Variants in PPP4R3B observed in about 807,000 individuals in gnomAD.
PPP4R3B encodes the protein serine/threonine-protein phosphatase 4 regulatory subunit 3B.
Under a neutral mutation model 95.4 loss-of-function variants are expected in PPP4R3B, and 52 were observed. That is an observed-to-expected ratio of 0.54 (90% CI 0.44 to 0.69). The LOEUF (loss-of-function observed/expected upper bound fraction) is 0.69, where lower values mean the gene tolerates loss of function less well. PPP4R3B is among the 30% of genes least tolerant of loss of function. The probability of loss-of-function intolerance (pLI) is 0.00; values close to 1 mark genes in which losing one functional copy is unlikely to be tolerated. For synonymous variants in PPP4R3B, 407 were observed against 343.9 expected, an observed-to-expected ratio of 1.18 and a Z score of -2.03; for missense variants, 1,003 against 1,005.9, an observed-to-expected ratio of 1.00 and a Z score of 0.04.
intron 5 of PPP4R3B, among the ~76,000 whole-genome samples, chr2:55,587,089 T>G (rs1049327822): frequency 6.6e-6 from 1 of 152,184 alleles, no homozygotes; most frequent in African/African-American, 2.4e-5. Flanking sequence ...ATTAGAACAT[T>G]TTCCTTACTC....
intron 4 of PPP4R3B, among the ~76,000 whole-genome samples, chr2:55,594,844 T>C (rs1182104440): frequency 1.3e-5 from 2 of 152,142 alleles, no homozygotes; most frequent in African/African-American, 2.4e-5. Context: ...CACTCATTAT[T>C]GGTGAATAAC....
chr2:55,615,430 T>G (rs758999115), intron 2 of PPP4R3B, 21 bp downstream of exon 2: 13 of 1,550,626 alleles, frequency 8.4e-6, no homozygotes, highest in Non-Finnish European at 1.1e-5. Context: ...TCTTTCAAAT[T>G]AAAGATAAAC....
chr2:55,578,222 G>A, intron 10 of PPP4R3B, 25 bp downstream of exon 10: 2 of 1,387,052 alleles, frequency 1.4e-6, no homozygotes, highest in Non-Finnish European at 9.4e-7. Flanking sequence ...AAATATAGGA[G>A]TGATACACTC....
At chr2:55,613,910 A>T (rs1224316460) in intron 2 of PPP4R3B, among the ~76,000 whole-genome samples, 1 of 152,160 alleles carries the variant, frequency 6.6e-6, no homozygotes, top group Non-Finnish European at 1.5e-5. Context: ...ATAAAGACAG[A>T]GATTAAGAGC....
At chr2:55,602,435 A>C (rs1239199041) in intron 3 of PPP4R3B, among the ~76,000 whole-genome samples, 2 of 152,180 alleles carry the variant, frequency 1.3e-5, no homozygotes, top group Non-Finnish European at 2.9e-5. Flanking sequence ...CTGCTTCATA[A>C]TAATGTTTAC....
At chr2:55,608,955 G>A (rs1693787985) in intron 2 of PPP4R3B, among the ~76,000 whole-genome samples, 1 of 152,110 alleles carries the variant, frequency 6.6e-6, no homozygotes, top group South Asian at 2.1e-4. Flanking sequence ...GCTTTTGGCT[G>A]GGAGACAGTC....
At chr2:55,578,143 C>T in intron 10 of PPP4R3B, 104 bp downstream of exon 10, 1 of 1,129,744 alleles carries the variant, frequency 8.9e-7, no homozygotes. Context: ...GTATGACAGA[C>T]ATTAAATTTA....
At chr2:55,579,577 T>A in intron 9 of PPP4R3B, 102 bp downstream of exon 9, 1 of 668,644 alleles carries the variant, frequency 1.5e-6, no homozygotes, top group Non-Finnish European at 2.3e-6. Context: ...AGTCGTAATC[T>A]CCCTGTCTTA....
chr2:55,612,069 A>C (rs1010784881), intron 2 of PPP4R3B, among the ~76,000 whole-genome samples: 2 of 152,120 alleles, frequency 1.3e-5, no homozygotes, highest in African/African-American at 2.4e-5. Flanking sequence ...ATGGCCTATA[A>C]ACATCTCATT....
chr2:55,579,536 T>C (rs1689152866), intron 9 of PPP4R3B, 143 bp downstream of exon 9: 1 of 456,024 alleles, frequency 2.2e-6, no homozygotes, highest in Non-Finnish European at 3.7e-6. Flanking sequence ...AACAAGAAAA[T>C]CATAATTTTA....
chr2:55,585,229 T>C (rs112865458), intron 6 of PPP4R3B, 62 bp from the exon 7 acceptor site: 1 of 1,293,916 alleles, frequency 7.7e-7, no homozygotes. Context: ...CACATTTCTT[T>C]TTTCTTTTCC....
intron 16 of PPP4R3B, among the ~76,000 whole-genome samples, chr2:55,550,517 C>T (rs1410315448): frequency 1.3e-5 from 2 of 152,084 alleles, no homozygotes; most frequent in African/African-American, 4.8e-5. Flanking sequence ...ATAAGTAAAA[C>T]ATTTAGGGCT....
chr2:55,580,814 T>C (rs1689350011), intron 8 of PPP4R3B, among the ~76,000 whole-genome samples: 2 of 152,220 alleles, frequency 1.3e-5, no homozygotes, highest in Non-Finnish European at 2.9e-5. Context: ...GAATGACTAT[T>C]AATATTCTGG....
chr2:55,603,869 C>G, intron 3 of PPP4R3B, 109 bp downstream of exon 3: 1 of 598,502 alleles, frequency 1.7e-6, no homozygotes, highest in Non-Finnish European at 2.8e-6. Flanking sequence ...TATCAAGTCT[C>G]ACATTAAGAC....
chr2:55,572,889 A>G (rs1205254821), intron 12 of PPP4R3B, among the ~76,000 whole-genome samples: 2 of 152,192 alleles, frequency 1.3e-5, no homozygotes, highest in Non-Finnish European at 2.9e-5. Context: ...CCAGGAATAA[A>G]ATTAGTCTAT....
chr2:55,595,819 C>G (rs1691694046), intron 4 of PPP4R3B, among the ~76,000 whole-genome samples: 1 of 151,722 alleles, frequency 6.6e-6, no homozygotes, highest in Non-Finnish European at 1.5e-5. Context: ...AAGAGGGGCT[C>G]AGGGACTTCC....
intron 16 of PPP4R3B, among the ~76,000 whole-genome samples, chr2:55,556,769 T>A (rs986075623): frequency 7.2e-5 from 11 of 152,204 alleles, no homozygotes; most frequent in Admixed American, 5.2e-4. Context: ...TACCCCTTTT[T>A]AAAACAAGAA....
At position 55,581,611 on chromosome 2, in the gene PPP4R3B, G is replaced by C; in HGVS notation, c.1321C>G (p.Leu441Val). ...LGGAVQLMGL[L>V]RTLIDPENML... Reference sequence around the variant, plus strand: ...TTCTCTGGATCAATTAGAGTACGAAGAAGTCCCATTAACTGAACAGCGCCT... The same window carrying C: ...TTCTCTGGATCAATTAGAGTACGAACAAGTCCCATTAACTGAACAGCGCCT... Residue 441 changes from leucine (L) to valine (V), a missense_variant, in exon 8 of 17, where the codon CTT becomes GTT. By Grantham distance (32) the Leu-to-Val change is conservative (BLOSUM62 1). Coordinates refer to ENST00000616407, the MANE Select transcript of PPP4R3B (RefSeq NM_001122964.3). 1 of 1,613,716 alleles carries C rather than the reference G, an allele frequency of 6.2e-7. No homozygotes were observed. The highest frequency in any genetic ancestry group is 8.5e-7 in the Non-Finnish European group (1 of 1,179,832).
chr2:55,566,306 GT>G (rs1687291398), intron 13 of PPP4R3B, among the ~76,000 whole-genome samples: 1 of 152,126 alleles, frequency 6.6e-6, no homozygotes, highest in Non-Finnish European at 1.5e-5. Context: ...AATACATTAA[GT>G]TTTGGGGCAC....
Sources: gnomAD v4.1 joint callset for allele counts (sites outside exome capture counted in the v4.1 genomes callset) on GRCh38, gnomAD v4.1.1 for gene constraint, MANE v1.5 for transcripts, NCBI Gene and HGNC (gene_info 2026-07-23, HGNC 2026-07-21) for gene names.